The following APLP2 variants were observed in gnomAD, a reference collection of about 807,000 sequenced individuals.
APLP2 encodes amyloid beta precursor like protein 2, also known as CDEI box-binding protein.
APLP2 carries 53 observed loss-of-function variants against 89.9 expected under a neutral mutation model. The ratio of observed to expected loss-of-function variants is 0.59; its 90% confidence interval spans 0.47 to 0.74. The LOEUF (loss-of-function observed/expected upper bound fraction) is 0.74, where lower values mean the gene tolerates loss of function less well. Among genes scored for constraint, APLP2 ranks in the 30% least tolerant of loss-of-function variants. The probability of loss-of-function intolerance (pLI) is 0.00; values close to 1 mark genes in which losing one functional copy is unlikely to be tolerated. For synonymous variants in APLP2, 372 were observed against 348.6 expected, an observed-to-expected ratio of 1.07 and a Z score of -0.75; for missense variants, 973 against 975.9, an observed-to-expected ratio of 1.00 and a Z score of 0.04.
chr11:130,126,953 C>A, intron 8 of APLP2, 123 bp downstream of exon 8: 2 of 1,353,088 alleles, frequency 1.5e-6, no homozygotes, highest in Non-Finnish European at 2.0e-6. Flanking sequence ...ACTGGTGAGT[C>A]AGGAGAGAGT....
rs772421840 is a variant in APLP2 at position 130,123,722 on chromosome 11, G to T, written c.1033G>T (p.Gly345Cys). The T allele has an allele frequency of 6.2e-7, 1 of 1,614,240 alleles. No individual in the cohort carries two copies. Among genetic ancestry groups the T allele is most frequent in the Admixed American group, 1.7e-5 (1 of 60,036 alleles). ...GCGCTTTATATATGGTGGCTGCGGC[G>T]GCAACAGGAACAATTTTGAGTCTGA... ...CVRFIYGGCG[G>C]NRNNFESEDY... The change falls in exon 7 of 17, where the codon GGC becomes TGC. Residue 345 changes from glycine (G) to cysteine (C), a missense_variant. Gly to Cys is a radical substitution (Grantham distance 159, BLOSUM62 -3). Coordinates refer to ENST00000338167, the MANE Select transcript of APLP2 (RefSeq NM_001142276.2). The surrounding 1 kb of genome is among the most constrained non-coding windows in gnomAD (Gnocchi z 4.0).
chr11:130,109,211 TAAA>T (rs60776836), intron 1 of APLP2: 33 of 361,800 alleles, frequency 9.1e-5, no homozygotes, highest in Non-Finnish European at 1.5e-4. Flanking sequence ...ATAAAATAAA[TAAA>T]AAAGTTTTTT....
At chr11:130,120,201 A>C (rs572265710) in intron 3 of APLP2, among the ~76,000 whole-genome samples, 78 of 152,346 alleles carry the variant, frequency 5.1e-4, no homozygotes, top group African/African-American at 1.9e-3. Flanking sequence ...AAGGCTTCCC[A>C]CCGTAAAGAC....
chr11:130,125,255 C>T (rs965598449), intron 7 of APLP2, among the ~76,000 whole-genome samples: 2 of 152,230 alleles, frequency 1.3e-5, no homozygotes, highest in Non-Finnish European at 2.9e-5. Flanking sequence ...GTCCTCTCCA[C>T]TCTGGTCCCA....
At chr11:130,093,849 T>G (rs1181785091) in intron 1 of APLP2, among the ~76,000 whole-genome samples, 3 of 123,792 alleles carry the variant, frequency 2.4e-5, no homozygotes, top group African/African-American at 1.1e-4. Flanking sequence ...GTTCAAGCTA[T>G]GCTCCTGCCT....
Position 130,133,719 on chromosome 11 carries a change from G to A in APLP2, c.1675G>A (p.Glu559Lys), listed in dbSNP as rs1951201416. 7.4e-6 allele frequency: 12 copies of A among 1,613,364 alleles called. No homozygotes were observed. Among genetic ancestry groups the A allele is most frequent in the Non-Finnish European group, 1.0e-5 (12 of 1,179,288 alleles). ...ACCTTATGTAGCCCAAGAAATTCAA[G>A]AGGAAATTGGTGGGTACCAGCTCTT... ...KVPYVAQEIQEEIDELLQEQR... is the reference protein window; with the variant it reads ...KVPYVAQEIQKEIDELLQEQR... The change falls in exon 12 of 17, where the codon GAG (glutamate) becomes AAG (lysine). Residue 559 changes from glutamate to lysine, a missense_variant. Glu to Lys is a moderately conservative substitution (Grantham distance 56). Coordinates refer to ENST00000338167, the MANE Select transcript of APLP2 (RefSeq NM_001142276.2).
chr11:130,126,622 A>C (rs969721333), intron 7 of APLP2, 78 bp from the exon 8 acceptor site: 2 of 1,547,542 alleles, frequency 1.3e-6, no homozygotes, highest in Non-Finnish European at 1.8e-6. Flanking sequence ...TCCATCCTGC[A>C]GGTCCTGAGC....
chr11:130,073,792 A>G (rs1941598670), intron 1 of APLP2, among the ~76,000 whole-genome samples: 1 of 152,236 alleles, frequency 6.6e-6, no homozygotes, highest in Admixed American at 6.5e-5. Context: ...AGATCACACC[A>G]CTGCACTCCA....
chr11:130,095,413 A>T (rs1244910556), intron 1 of APLP2, among the ~76,000 whole-genome samples: 1 of 152,246 alleles, frequency 6.6e-6, no homozygotes, highest in Non-Finnish European at 1.5e-5. Flanking sequence ...TGATTTGACC[A>T]TGGGACAAGT....
chr11:130,137,033 C>T (rs1210150953), intron 13 of APLP2, among the ~76,000 whole-genome samples: 2 of 152,102 alleles, frequency 1.3e-5, no homozygotes, highest in Non-Finnish European at 2.9e-5. Context: ...CAAGACAGAC[C>T]TACTTTTTTC....
intron 4 of APLP2, among the ~76,000 whole-genome samples, chr11:130,121,110 A>G (rs1949765734): frequency 6.6e-6 from 1 of 152,190 alleles, no homozygotes; most frequent in Admixed American, 6.5e-5. Flanking sequence ...TCCTAACCCT[A>G]AGGCCGGCAT....
intron 10 of APLP2, among the ~76,000 whole-genome samples, 182 bp from the exon 11 acceptor site, chr11:130,129,856 T>C (rs1252954913): frequency 6.6e-6 from 1 of 152,262 alleles, no homozygotes; most frequent in African/African-American, 2.4e-5. Flanking sequence ...AACTTAGTTT[T>C]GCTATTTTAC....
At chr11:130,097,257 A>G (rs536408514) in intron 1 of APLP2, among the ~76,000 whole-genome samples, 108 of 152,356 alleles carry the variant, frequency 7.1e-4, no homozygotes, top group African/African-American at 1.7e-3. Context: ...CGGAATGACT[A>G]TAGAAATTTG....
intron 3 of APLP2, chr11:130,114,101 C>G (rs984520009): frequency 1.3e-5 from 2 of 152,222 alleles, no homozygotes; most frequent in Admixed American, 1.3e-4. Context: ...ATTTTGTAGA[C>G]AATATCTAGT....
At chr11:130,130,522 T>A (rs1423125481) in intron 11 of APLP2, among the ~76,000 whole-genome samples, 2 of 152,238 alleles carry the variant, frequency 1.3e-5, no homozygotes, top group African/African-American at 2.4e-5. Context: ...GCAGTATAGT[T>A]TTTGTTTAGA....
chr11:130,138,462 T>G (rs1229133939), intron 13 of APLP2, among the ~76,000 whole-genome samples: 1 of 152,172 alleles, frequency 6.6e-6, no homozygotes, highest in Non-Finnish European at 1.5e-5. Context: ...TGTACTGAAC[T>G]GTTATGAGTT....
At position 130,121,739 on chromosome 11, in the gene APLP2, AGAAGAGGAAGAGGAAGATGAAGAG is replaced by A; in HGVS notation, c.672_695del (p.Glu224_Glu231del). The stretch of plus-strand genomic sequence containing the variant: ...CAAAGATTATTGGATCTGTGTCAAA[AGAAGAGGAAGAGGAAGATGAAGAG>A]GAAGAGGAAGAGGAAGATGAAGAGG... On this transcript the variant is annotated inframe_deletion, in exon 5 of 17. Coordinates refer to ENST00000338167, the MANE Select transcript of APLP2 (RefSeq NM_001142276.2). 2.4e-4 allele frequency: 393 copies of A among 1,613,212 alleles called. No individual in the cohort carries two copies. In the African/African-American group the frequency reaches 4.2e-3, roughly 17 times the overall value.
chr11:130,115,853 C>T (rs1265760216), intron 3 of APLP2, among the ~76,000 whole-genome samples: 1 of 152,126 alleles, frequency 6.6e-6, no homozygotes, highest in Non-Finnish European at 1.5e-5. Flanking sequence ...TGTGTTTCCT[C>T]TTTCAGTCTA....
Position 130,141,722 on chromosome 11 carries a change from T to C in APLP2, c.1998+150T>C. On this transcript the variant is annotated intron_variant, in intron 15 of 16. Coordinates refer to ENST00000338167, the MANE Select transcript of APLP2 (RefSeq NM_001142276.2). This position sits in a 1 kb window ranked among gnomAD's most constrained non-coding sequence, Gnocchi z 4.2. The stretch of plus-strand genomic sequence containing the variant: ...TTTCCGTACTTTTGGATAAGAAAGC[T>C]AAAATTAAAATCTCCATGGAGATTG... 2 of 924,354 alleles carry C rather than the reference T, an allele frequency of 2.2e-6. No individual in the cohort carries two copies. The highest frequency in any genetic ancestry group is 1.6e-6 in the Non-Finnish European group (1 of 621,052). 57.3% of individuals were successfully genotyped at this position (924,354 alleles called of 1,614,324 possible). A position where few individuals can be genotyped will look rare whatever the true frequency, so the allele number is the denominator to read the frequency against.
Sources: gnomAD v4.1 joint callset for allele counts (sites outside exome capture counted in the v4.1 genomes callset) on GRCh38, gnomAD v4.1.1 for gene constraint, Gnocchi (gnomAD v3.1) non-coding constraint, MANE v1.5 for transcripts, NCBI Gene and HGNC (gene_info 2026-07-23, HGNC 2026-07-21) for gene names.